F13A1: variants seen among roughly 807,000 people sequenced by gnomAD.
F13A1 encodes the protein coagulation factor XIII A chain.
In F13A1, 47 loss-of-function variants were observed where a neutral mutation model predicts 80.1. The ratio of observed to expected loss-of-function variants is 0.59; its 90% CI spans 0.46 to 0.75. F13A1 has a LOEUF of 0.75. Among genes scored for constraint, F13A1 ranks in the 30% least tolerant of loss-of-function variants. The pLI, the probability that F13A1 is intolerant of heterozygous loss-of-function variation, is 0.00. For synonymous variants in F13A1, 349 were observed against 344.9 expected (o/e 1.01, Z -0.13); for missense variants, 817 against 930.4 (o/e 0.88, Z 1.59).
chr6:6,176,051 C>T (rs1583056471), intron 11 of F13A1, among the ~76,000 whole-genome samples: 1 of 152,218 alleles, frequency 6.6e-6, no homozygotes, highest in African/African-American at 2.4e-5. Flanking sequence ...TCATCATCCT[C>T]TTTTCCATCC....
At chr6:6,168,866 C>G (rs1760723232) in intron 12 of F13A1, among the ~76,000 whole-genome samples, 1 of 152,220 alleles carries the variant, frequency 6.6e-6, no homozygotes, top group East Asian at 1.9e-4. Context: ...CCATGCCCAT[C>G]ATCTGTGGAG....
chr6:6,264,701 T>C (rs1415634848), intron 4 of F13A1, among the ~76,000 whole-genome samples: 1 of 152,234 alleles, frequency 6.6e-6, no homozygotes, highest in Non-Finnish European at 1.5e-5. Context: ...TTAATTTATA[T>C]ATCTGTAACT....
rs751193118 is a variant in F13A1, at chr6:6,318,701, A to AG, written c.-18-20_-18-19insC. Reference sequence around the variant, plus strand: ...CAAGGTCCTTCAGAAAAAAAAAAAAAAGAAGACAACAGAAAAGGCATGTAA... The same window carrying AG: ...CAAGGTCCTTCAGAAAAAAAAAAAAAGAGAAGACAACAGAAAAGGCATGTAA... On this transcript the variant is annotated intron_variant, in intron 1 of 14. Coordinates refer to ENST00000264870, the MANE Select transcript of F13A1 (RefSeq NM_000129.4). The AG allele has an allele frequency of 1.1e-4, 184 of 1,604,132 alleles. 1 individual carries two copies. Among genetic ancestry groups the AG allele is most frequent in the Non-Finnish European group, 1.0e-4 (120 of 1,178,748 alleles).
intron 12 of F13A1, among the ~76,000 whole-genome samples, chr6:6,172,520 A>T (rs1561642771): frequency 6.7e-6 from 1 of 150,238 alleles, no homozygotes; most frequent in Non-Finnish European, 1.5e-5. Flanking sequence ...ATCTTGGCTC[A>T]CTGCAACCTC....
chr6:6,207,685 A>C (rs1311991862), intron 8 of F13A1, among the ~76,000 whole-genome samples: 1 of 152,204 alleles, frequency 6.6e-6, no homozygotes, highest in Non-Finnish European at 1.5e-5. Context: ...CTGCGGGTTA[A>C]TTAAAGACTT....
chr6:6,250,566 A>G lies in F13A1; in HGVS notation c.690+245T>C, dbSNP rs923294557. On this transcript the variant is annotated intron_variant, in intron 5 of 14. Transcript: ENST00000264870. The surrounding 1 kb of genome is among the most constrained non-coding windows in gnomAD (Gnocchi z 4.2). The stretch of plus-strand genomic sequence containing the variant: ...AAAGCATTTCTCAATAGAATGCCAC[A>G]TTATTCATGGAATCTCTCATTTCTG... 6.6e-6 allele frequency among the ~76,000 whole-genome samples: 1 copy of G among 152,204 alleles called. No individual in the cohort carries two copies. Among genetic ancestry groups the G allele is most frequent in the Non-Finnish European group, 1.5e-5 (1 of 68,042 alleles).
At chr6:6,269,017 T>A (rs955439249) in intron 3 of F13A1, among the ~76,000 whole-genome samples, 1 of 151,982 alleles carries the variant, frequency 6.6e-6, no homozygotes, top group African/African-American at 2.4e-5. Flanking sequence ...TAAGTATAAC[T>A]TCTACTAGAA....
intron 3 of F13A1, among the ~76,000 whole-genome samples, chr6:6,304,377 G>A (rs1758480973): frequency 6.6e-6 from 1 of 152,006 alleles, no homozygotes; most frequent in Non-Finnish European, 1.5e-5. Flanking sequence ...TGCCACCCCT[G>A]CTTCTCTGTG....
At chr6:6,266,840 G>A (rs1208824677) in intron 3 of F13A1, 31 bp from the exon 4 acceptor site, 1 of 1,613,954 alleles carries the variant, frequency 6.2e-7, no homozygotes, top group Non-Finnish European at 8.5e-7. Flanking sequence ...TACTCTGTTA[G>A]GTTGATTTCA....
At chr6:6,246,141 G>T (rs1757552571) in intron 6 of F13A1, among the ~76,000 whole-genome samples, 2 of 152,096 alleles carry the variant, frequency 1.3e-5, no homozygotes, top group African/African-American at 2.4e-5. Flanking sequence ...GAAATTTAAA[G>T]ATTTTTTTTG....
rs1236216188 is a variant in F13A1 at position 6,300,206 on chromosome 6, G to T, written c.319+5145C>A. On this transcript the variant is annotated intron_variant, in intron 3 of 14. Transcript: ENST00000264870. ...AGAGGTTACTGCTGTCTTTTTGTTT[G>T]TCTGTGCCCTGAGGTGGAGCCTACA... is the stretch of plus-strand genomic sequence containing the variant. Among the ~76,000 whole-genome samples the T allele has an allele frequency of 1.8e-5, 2 of 112,512 alleles. 1 individual carries two copies. The highest frequency in any genetic ancestry group is 1.5e-4 in the African/African-American group (2 of 13,260). 73.8% of individuals were successfully genotyped at this position (112,512 alleles called of 152,430 possible). A position where few individuals can be genotyped will look rare whatever the true frequency, so the allele number is the denominator to read the frequency against.
At chr6:6,197,937 T>G (rs536565241) in intron 8 of F13A1, among the ~76,000 whole-genome samples, 4 of 85,816 alleles carry the variant, frequency 4.7e-5, no homozygotes, top group African/African-American at 3.1e-4. Context: ...CATTTTCTGC[T>G]GACTAACGAA....
At chr6:6,174,908 C>G in intron 11 of F13A1, 41 bp from the exon 12 acceptor site, 1 of 1,612,242 alleles carries the variant, frequency 6.2e-7, no homozygotes, top group Non-Finnish European at 8.5e-7. Context: ...AAAATACAAT[C>G]CACCAGAGAG....
intron 10 of F13A1, among the ~76,000 whole-genome samples, chr6:6,190,508 T>C (rs962307335): frequency 2.0e-5 from 3 of 150,370 alleles, no homozygotes; most frequent in African/African-American, 7.3e-5. Flanking sequence ...GTTCCCCTGC[T>C]GGGGGGTGCC....
chr6:6,153,509 A>T (rs145193563), intron 13 of F13A1, among the ~76,000 whole-genome samples: 1 of 152,242 alleles, frequency 6.6e-6, no homozygotes, highest in Non-Finnish European at 1.5e-5. Flanking sequence ...TCTTAAGTCT[A>T]TAAGAAAAAC....
chr6:6,284,277 A>G (rs1048157999), intron 3 of F13A1, among the ~76,000 whole-genome samples: 1 of 152,240 alleles, frequency 6.6e-6, no homozygotes, highest in Non-Finnish European at 1.5e-5. Flanking sequence ...TTTCACAAAT[A>G]TGAAAGTTAG....
intron 8 of F13A1, among the ~76,000 whole-genome samples, chr6:6,199,317 G>A (rs1366204572): frequency 1.3e-5 from 2 of 152,014 alleles, no homozygotes; most frequent in Non-Finnish European, 2.9e-5. Context: ...GTGAAACCCC[G>A]TCTCTACTAA....
intron 6 of F13A1, among the ~76,000 whole-genome samples, chr6:6,230,958 C>A (rs1412571993): frequency 6.6e-6 from 1 of 152,192 alleles, no homozygotes; most frequent in East Asian, 1.9e-4. Context: ...AGCCCTAGAC[C>A]TTCCCTCTGA....
In F13A1 at chr6:6,250,347, G is replaced by A. The variant is rs1205619224; in HGVS notation, c.690+464C>T. On this transcript the variant is annotated intron_variant, in intron 5 of 14. Coordinates refer to ENST00000264870, the MANE Select transcript of F13A1 (RefSeq NM_000129.4). This position sits in a 1 kb window ranked among gnomAD's most constrained non-coding sequence, Gnocchi z 4.2. Reference sequence around the variant, plus strand: ...TAAAATCTTTCTATGTAAAAGCTCAGTGGCCCTTCCTTTGATGAAATGATA... The same window carrying A: ...TAAAATCTTTCTATGTAAAAGCTCAATGGCCCTTCCTTTGATGAAATGATA... Among the ~76,000 whole-genome samples, 1 of 151,078 alleles carries A rather than the reference G, an allele frequency of 6.6e-6. No individual in the cohort carries two copies. Among genetic ancestry groups the A allele is most frequent in the Admixed American group, 6.6e-5 (1 of 15,188 alleles).
Sources: allele counts gnomAD v4.1 joint callset (sites outside exome capture counted in the v4.1 genomes callset), GRCh38; gene constraint gnomAD v4.1.1; non-coding constraint Gnocchi (gnomAD v3.1); transcripts MANE v1.5; gene names NCBI Gene and HGNC (gene_info 2026-07-23, HGNC 2026-07-21).